The following SLIT2 variants were observed in gnomAD, a reference collection of about 807,000 sequenced individuals.
The protein encoded by SLIT2 is slit guidance ligand 2.
In SLIT2, 41 loss-of-function variants were observed where a neutral mutation model predicts 185.7. The ratio of observed to expected loss-of-function variants is 0.22; its 90% CI spans 0.17 to 0.29. SLIT2 has a LOEUF of 0.29. Among genes scored for constraint, SLIT2 ranks in the 10% least tolerant of loss-of-function variants. The probability of loss-of-function intolerance (pLI) is 1.00; values close to 1 mark genes in which losing one functional copy is unlikely to be tolerated. For missense variants in SLIT2, 1,571 were observed against 1,909.0 expected (o/e 0.82, Z 3.30); for synonymous variants, 693 against 680.2 (o/e 1.02, Z -0.29).
At position 20,480,542 on chromosome 4, in the gene SLIT2, A is replaced by G. The variant is rs1442507196; in HGVS notation, c.468-174A>G. ...AGACAGTTCAGAACAAAAAGATTTC[A>G]GTGGCGGCATAGAGGCGAGAATGGC... On this transcript the variant is annotated intron_variant, in intron 5 of 36. Transcript: ENST00000504154. Among the ~76,000 whole-genome samples the G allele has an allele frequency of 2.6e-5, 4 of 152,162 alleles. No individual in the cohort carries two copies. The East Asian group carries it at 5.8e-4, about 22-fold the overall frequency.
rs188642542 is a variant in SLIT2, at chr4:20,304,302, A to G, written c.395+35421A>G. On this transcript the variant is annotated intron_variant, in intron 4 of 36. Transcript: ENST00000504154. ...GAAAACGAAAGAAAGGAAGGAAAAA[A>G]TAAGGTAAGAGAGAACTAAAAATTG... Among the ~76,000 whole-genome samples the G allele has an allele frequency of 2.6e-3, 397 of 152,316 alleles. 3 individuals are homozygous for G. The highest frequency in any genetic ancestry group is 9.1e-3 in the African/African-American group (379 of 41,564).
intron 4 of SLIT2, among the ~76,000 whole-genome samples, chr4:20,366,482 C>G (rs1723126300): frequency 6.6e-6 from 1 of 152,124 alleles, no homozygotes; most frequent in Non-Finnish European, 1.5e-5. Flanking sequence ...TAGGTCCATT[C>G]TAGTTGCCCA....
chr4:20,539,344 A>T, intron 18 of SLIT2, 97 bp from the exon 19 acceptor site: 2 of 1,046,252 alleles, frequency 1.9e-6, no homozygotes, highest in Middle Eastern at 4.2e-4. Flanking sequence ...GTAGTAATGA[A>T]TGCTACATAT....
At chr4:20,387,491 T>C (rs1416658692) in intron 4 of SLIT2, among the ~76,000 whole-genome samples, 1 of 152,178 alleles carries the variant, frequency 6.6e-6, no homozygotes, top group Non-Finnish European at 1.5e-5. Flanking sequence ...GATTTTCGTA[T>C]CAGCTTCTGC....
At chr4:20,280,755 TTC>T (rs1239097649) in intron 4 of SLIT2, among the ~76,000 whole-genome samples, 1 of 152,178 alleles carries the variant, frequency 6.6e-6, no homozygotes, top group Non-Finnish European at 1.5e-5. Flanking sequence ...TTTGAGATTA[TTC>T]TCTCTATTAT....
intron 4 of SLIT2, among the ~76,000 whole-genome samples, chr4:20,293,333 T>G (rs957509415): frequency 2.0e-5 from 3 of 152,128 alleles, no homozygotes; most frequent in African/African-American, 7.2e-5. Flanking sequence ...GTTACAAAAA[T>G]AATACCATAG....
intron 4 of SLIT2, among the ~76,000 whole-genome samples, chr4:20,389,276 A>G (rs189978885): frequency 2.2e-4 from 33 of 152,110 alleles, no homozygotes; most frequent in Admixed American, 1.5e-3. Flanking sequence ...TTATTGAAGA[A>G]CTAGCATATC....
chr4:20,611,235 A>C (rs1234455410), intron 34 of SLIT2, among the ~76,000 whole-genome samples: 1 of 152,174 alleles, frequency 6.6e-6, no homozygotes, highest in Non-Finnish European at 1.5e-5. Context: ...CCATTATCTC[A>C]ACCACTCAAA....
chr4:20,548,479 C>T lies in SLIT2; in HGVS notation c.2346-9C>T. 1 of 1,508,112 alleles carries T rather than the reference C, an allele frequency of 6.6e-7. No homozygotes were observed. The highest frequency in any genetic ancestry group is 9.2e-7 in the Non-Finnish European group (1 of 1,085,782). The allele number at this position is 1,508,112 out of a possible 1,614,324, so 93.4% of individuals were successfully genotyped here. A position where few individuals can be genotyped will look rare whatever the true frequency, so the allele number is the denominator to read the frequency against. ...TTAATAGTGTACTCCATTTCTTTTT[C>T]TCTTTTAGAGACTTAAGTAACAACA... On this transcript the variant is annotated splice_polypyrimidine_tract_variant and intron_variant, in intron 22 of 36. Transcript: ENST00000504154.
At chr4:20,355,956 CT>C (rs1305307371) in intron 4 of SLIT2, among the ~76,000 whole-genome samples, 1 of 151,994 alleles carries the variant, frequency 6.6e-6, no homozygotes, top group Non-Finnish European at 1.5e-5. Context: ...AGGATACAGA[CT>C]TTTAAGGACC....
At chr4:20,373,168 T>C (rs1047821211) in intron 4 of SLIT2, among the ~76,000 whole-genome samples, 2 of 152,092 alleles carry the variant, frequency 1.3e-5, no homozygotes. Context: ...CAAAATTAGT[T>C]TGGCAGCTTA....
At chr4:20,420,656 G>T (rs1728105173) in intron 4 of SLIT2, among the ~76,000 whole-genome samples, 1 of 151,946 alleles carries the variant, frequency 6.6e-6, no homozygotes, top group Non-Finnish European at 1.5e-5. Flanking sequence ...AGGAAAAGGA[G>T]AGAGAAAGGG....
intron 4 of SLIT2, among the ~76,000 whole-genome samples, chr4:20,287,283 C>T (rs2109070520): frequency 6.6e-6 from 1 of 152,278 alleles, no homozygotes; most frequent in Non-Finnish European, 1.5e-5. Flanking sequence ...ACTGACCTAC[C>T]TGATTGAACC....
At chr4:20,594,247 A>ATG (rs1310621740) in intron 30 of SLIT2, among the ~76,000 whole-genome samples, 1 of 149,630 alleles carries the variant, frequency 6.7e-6, no homozygotes, top group Non-Finnish European at 1.5e-5. Flanking sequence ...GTATATACAT[A>ATG]TACATATACA....
chr4:20,289,604 A>G (rs995718391), intron 4 of SLIT2, among the ~76,000 whole-genome samples: 1 of 152,202 alleles, frequency 6.6e-6, no homozygotes, highest in Non-Finnish European at 1.5e-5. Flanking sequence ...CAGAAACCCT[A>G]TGGTGCAGAT....
At chr4:20,486,888 A>G (rs1329830320) in intron 7 of SLIT2, among the ~76,000 whole-genome samples, 1 of 152,130 alleles carries the variant, frequency 6.6e-6, no homozygotes, top group Non-Finnish European at 1.5e-5. Context: ...ATAGAATATC[A>G]GAGGTAAATC....
intron 9 of SLIT2, among the ~76,000 whole-genome samples, chr4:20,494,514 C>T (rs532526752): frequency 4.0e-4 from 61 of 152,274 alleles, no homozygotes; most frequent in African/African-American, 1.3e-3. Flanking sequence ...CAGTGGCTCA[C>T]GCCTGTAATC....
At chr4:20,498,883 G>A (rs1718459041) in intron 9 of SLIT2, among the ~76,000 whole-genome samples, 1 of 152,166 alleles carries the variant, frequency 6.6e-6, no homozygotes, top group African/African-American at 2.4e-5. Context: ...AAACATATGA[G>A]TGAAAGTGTC....
chr4:20,285,529 T>G (rs887413864), intron 4 of SLIT2, among the ~76,000 whole-genome samples: 1 of 151,842 alleles, frequency 6.6e-6, no homozygotes, highest in Non-Finnish European at 1.5e-5. Flanking sequence ...GGCAAATACA[T>G]AGAAACTTTT....
Sources: gnomAD v4.1 joint callset for allele counts (sites outside exome capture counted in the v4.1 genomes callset) on GRCh38, gnomAD v4.1.1 for gene constraint, MANE v1.5 for transcripts, NCBI Gene and HGNC (gene_info 2026-07-23, HGNC 2026-07-21) for gene names.